SEMA6D: variants seen among roughly 807,000 people sequenced by gnomAD.
The protein encoded by SEMA6D is semaphorin 6D, also known as semaphorin-6D.
A neutral mutation model predicts 106.6 loss-of-function variants in SEMA6D; 35 were observed. That is an observed-to-expected ratio of 0.33 (90% CI 0.25 to 0.44). The LOEUF is 0.44. Among genes scored for constraint, SEMA6D ranks in the 20% least tolerant of loss-of-function variants. The probability of loss-of-function intolerance (pLI) is 1.00; values close to 1 mark genes in which losing one functional copy is unlikely to be tolerated. For missense variants in SEMA6D, 1,185 were observed against 1,345.9 expected (o/e 0.88, Z 1.87); for synonymous variants, 499 against 487.7 (o/e 1.02, Z -0.31).
intron 3 of SEMA6D, among the ~76,000 whole-genome samples, chr15:47,571,713 G>C (rs2046387513): frequency 6.6e-6 from 1 of 152,114 alleles, no homozygotes; most frequent in Non-Finnish European, 1.5e-5. Flanking sequence ...AATGATTATG[G>C]GAACCACAAA....
At chr15:47,646,439 A>T (rs543057162) in intron 4 of SEMA6D, among the ~76,000 whole-genome samples, 17 of 152,368 alleles carry the variant, frequency 1.1e-4, no homozygotes, top group African/African-American at 4.1e-4. Context: ...TTTTTAAATA[A>T]GAAAAAGACA....
intron 1 of SEMA6D, among the ~76,000 whole-genome samples, chr15:47,747,003 T>TATATATATATATATATATATATATATATA (rs1555422789): frequency 1.2e-4 from 18 of 149,308 alleles, no homozygotes; most frequent in East Asian, 5.9e-4. Context: ...TATATATATA[T>TATATATATATATATATATATATATATATA]TTCGATTGTA....
chr15:47,302,008 A>C (rs2142994568), intron 1 of SEMA6D, among the ~76,000 whole-genome samples: 1 of 152,312 alleles, frequency 6.6e-6, no homozygotes, highest in South Asian at 2.1e-4. Context: ...AATCACAAAA[A>C]CAGCAACAAC....
chr15:47,533,934 G>A (rs1025149906), intron 3 of SEMA6D, among the ~76,000 whole-genome samples: 2 of 152,180 alleles, frequency 1.3e-5, no homozygotes, highest in South Asian at 4.1e-4. Context: ...TATGAGTAAT[G>A]TAAGTGCTTT....
At chr15:47,591,070 T>C (rs1486136495) in intron 3 of SEMA6D, among the ~76,000 whole-genome samples, 4 of 152,194 alleles carry the variant, frequency 2.6e-5, no homozygotes, top group African/African-American at 9.7e-5. Context: ...CTCACAGTTG[T>C]AGATGTAGGG....
intron 1 of SEMA6D, among the ~76,000 whole-genome samples, chr15:47,377,037 G>A (rs1174344512): frequency 6.6e-6 from 1 of 152,140 alleles, no homozygotes; most frequent in Non-Finnish European, 1.5e-5. Flanking sequence ...TTCTAAAGAA[G>A]CTGTATACGA....
intron 2 of SEMA6D, among the ~76,000 whole-genome samples, chr15:47,436,718 G>T (rs1287074088): frequency 6.7e-6 from 1 of 148,198 alleles, no homozygotes; most frequent in Admixed American, 6.8e-5. Flanking sequence ...ATCCCTTGAG[G>T]CCAGGAGTTT....
At chr15:47,330,472 G>A (rs1256282983) in intron 1 of SEMA6D, among the ~76,000 whole-genome samples, 1 of 152,136 alleles carries the variant, frequency 6.6e-6, no homozygotes, top group East Asian at 1.9e-4. Context: ...CACTAAAAGG[G>A]CATCTCTGCT....
chr15:47,508,615 AAGT>A (rs748231621), intron 3 of SEMA6D, among the ~76,000 whole-genome samples: 6 of 152,248 alleles, frequency 3.9e-5, no homozygotes, highest in Non-Finnish European at 7.3e-5. Flanking sequence ...GAAAGGAAAG[AAGT>A]AAGGAAGGAA....
intron 3 of SEMA6D, among the ~76,000 whole-genome samples, chr15:47,579,991 C>G (rs2076227547): frequency 6.6e-6 from 1 of 152,156 alleles, no homozygotes; most frequent in Non-Finnish European, 1.5e-5. Context: ...TGGGGACTTT[C>G]TGATTTGACC....
intron 4 of SEMA6D, among the ~76,000 whole-genome samples, chr15:47,669,005 C>A (rs1196956481): frequency 6.6e-6 from 1 of 152,092 alleles, no homozygotes; most frequent in Non-Finnish European, 1.5e-5. Flanking sequence ...ATAATGAACA[C>A]CCATATAGAT....
chr15:47,467,750 T>C (rs1289686457), intron 2 of SEMA6D, among the ~76,000 whole-genome samples: 1 of 152,142 alleles, frequency 6.6e-6, no homozygotes, highest in Non-Finnish European at 1.5e-5. Flanking sequence ...ATTGATATAG[T>C]TCTTTATCAC....
At chr15:47,613,787 T>C (rs1469311253) in intron 4 of SEMA6D, among the ~76,000 whole-genome samples, 2 of 152,054 alleles carry the variant, frequency 1.3e-5, no homozygotes, top group Admixed American at 1.3e-4. Flanking sequence ...TCCAAGTAGC[T>C]GGGATTACAG....
intron 1 of SEMA6D, among the ~76,000 whole-genome samples, chr15:47,726,738 G>C (rs2079780656): frequency 6.6e-6 from 1 of 152,218 alleles, no homozygotes; most frequent in African/African-American, 2.4e-5. Flanking sequence ...ATAGTGCTTG[G>C]CATGTAGTGA....
chr15:47,593,115 AAAG>A (rs2076469233), intron 3 of SEMA6D, among the ~76,000 whole-genome samples: 1 of 152,180 alleles, frequency 6.6e-6, no homozygotes, highest in South Asian at 2.1e-4. Flanking sequence ...TTAGTCAAAA[AAAG>A]ATCTGGCTGG....
intron 4 of SEMA6D, among the ~76,000 whole-genome samples, chr15:47,610,730 A>G (rs1389290366): frequency 1.3e-5 from 2 of 152,206 alleles, no homozygotes; most frequent in African/African-American, 4.8e-5. Flanking sequence ...ATGCTAAAAT[A>G]TTGAAAAAAG....
chr15:47,673,870 T>C lies in SEMA6D; in HGVS notation c.-55+72974T>C, dbSNP rs151246011. Among the ~76,000 whole-genome samples the C allele has an allele frequency of 9.4e-3, 1,435 of 152,318 alleles. 13 individuals carry two copies. Among genetic ancestry groups the C allele is most frequent in the South Asian group, 0.045 (216 of 4,826 alleles). On this transcript the variant is annotated intron_variant, in intron 4 of 19. Coordinates refer to the SEMA6D transcript ENST00000558014. The stretch of plus-strand genomic sequence containing the variant: ...CTCTGCAGGAGGAGTAATGCTACGC[T>C]TCCATTCCTTAGGCTATGTCCTCAG...
intron 1 of SEMA6D, among the ~76,000 whole-genome samples, chr15:47,292,965 G>A (rs990295334): frequency 1.3e-5 from 2 of 152,148 alleles, no homozygotes; most frequent in African/African-American, 4.8e-5. Flanking sequence ...TGTTTCCCAA[G>A]AGTGCTCTTG....
At chr15:47,757,994 G>A (rs1356385481) in intron 1 of SEMA6D, among the ~76,000 whole-genome samples, 2 of 152,086 alleles carry the variant, frequency 1.3e-5, no homozygotes, top group Non-Finnish European at 2.9e-5. Flanking sequence ...CTAATATGTG[G>A]TATAATTTCA....
Sources: gnomAD v4.1 joint callset for allele counts (sites outside exome capture counted in the v4.1 genomes callset) on GRCh38, gnomAD v4.1.1 for gene constraint, MANE v1.5 for transcripts, NCBI Gene and HGNC (gene_info 2026-07-23, HGNC 2026-07-21) for gene names.